CLPSL1: variants seen among roughly 807,000 people sequenced by gnomAD.
CLPSL1 encodes the protein colipase-like protein 1.
Under a neutral mutation model 9.3 loss-of-function variants are expected in CLPSL1, and 13 were observed. The observed-to-expected ratio is 1.40, with a 90% CI of 0.91 to 2.22. The LOEUF (loss-of-function observed/expected upper bound fraction) is 2.22. Among genes scored for constraint, CLPSL1 ranks in the 30% most tolerant of loss-of-function variants. The pLI is 0.00. For synonymous variants in CLPSL1, 58 were observed against 56.9 expected (o/e 1.02, Z -0.08); for missense variants, 164 against 146.6 (o/e 1.12, Z -0.61).
Position 35,788,078 on chromosome 6 carries a change from AC to A in CLPSL1, c.*71del. 1 of 1,185,694 alleles carries A rather than the reference AC, an allele frequency of 8.4e-7. No homozygotes were observed. The highest frequency in any genetic ancestry group is 1.2e-6 in the Non-Finnish European group (1 of 824,796). 73.4% of individuals were successfully genotyped at this position (1,185,694 alleles called of 1,614,324 possible). A position where few individuals can be genotyped will look rare whatever the true frequency, so the allele number is the denominator to read the frequency against. On this transcript the variant is annotated 3_prime_UTR_variant, in exon 3 of 3. Coordinates refer to ENST00000373861, the MANE Select transcript of CLPSL1 (RefSeq NM_001010886.5). ...CCTCCCTACCCAGAGCTCTGTGTTC[AC>A]CCTGTTCCCCAGAGCCTCCACCATG...
chr6:35,781,022 T>C lies in CLPSL1; in HGVS notation c.-89T>C, dbSNP rs1767955611. ...GACGGGGTTGGGTGCTGGTTTTACATGGTGTTCCCACAGCTGGGAGGACAC... is the reference window on the plus strand; with the variant it reads ...GACGGGGTTGGGTGCTGGTTTTACACGGTGTTCCCACAGCTGGGAGGACAC... On this transcript the variant is annotated 5_prime_UTR_variant, in exon 1 of 3. The change abolishes an upstream ATG in the 5' untranslated region. Transcript: ENST00000373861. 1.9e-6 allele frequency: 3 copies of C among 1,559,620 alleles called. No individual in the cohort carries two copies. The highest frequency in any genetic ancestry group is 1.8e-5 in the Admixed American group (1 of 54,216).
At chr6:35,783,507 CT>C (rs1488775246) in intron 1 of CLPSL1, among the ~76,000 whole-genome samples, 73 of 149,264 alleles carry the variant, frequency 4.9e-4, no homozygotes, top group African/African-American at 1.5e-3. Flanking sequence ...GAGACTTTGT[CT>C]CAAAAAAAAA....
At chr6:35,793,584 A>G in exon 2 of CLPSL1, 2 of 471,112 alleles carry the variant, frequency 4.2e-6, no homozygotes, top group Non-Finnish European at 8.8e-6. Flanking sequence ...GAGAAGGTCA[A>G]GAGCTACCAG....
chr6:35,781,179 C>T lies in CLPSL1; in HGVS notation c.69C>T (p.Gly23=), dbSNP rs374576148. Residue 23 remains glycine, a synonymous_variant, in exon 1 of 3, where the codon GGC becomes GGT. Transcript: ENST00000373861. The part of the protein sequence containing the change: ...LFFFLFLLTR[G]SLSPTKYNLL... ...TCTTTCTCTTCCTCCTCACCAGGGG[C>T]TCACTTTCTCCAACAAAATACAACC... 3.7e-6 allele frequency: 6 copies of T among 1,613,880 alleles called. No homozygotes were observed. In the African/African-American group the frequency reaches 5.3e-5, roughly 14 times the overall value.
At chr6:35,786,938 G>T in intron 1 of CLPSL1, 60 bp from the exon 2 acceptor site, 1 of 1,537,416 alleles carries the variant, frequency 6.5e-7, no homozygotes, top group Non-Finnish European at 8.7e-7. Context: ...AGCCCCAGGC[G>T]GGGCGGCGAG....
Position 35,781,097 on chromosome 6 carries a change from A to G in CLPSL1, c.-14A>G, listed in dbSNP as rs762256209. ...TTCGCTGGACCCTAGAAAAGCCACC[A>G]CGACCTGTGGGCCATGATGCTACCC... On this transcript the variant is annotated 5_prime_UTR_variant, in exon 1 of 3. Transcript: ENST00000373861. The G allele has an allele frequency of 1.2e-5, 20 of 1,613,396 alleles. No homozygotes were observed. The highest frequency in any genetic ancestry group is 1.7e-4 in the Middle Eastern group (1 of 5,992).
chr6:35,785,620 C>T (rs976163906), intron 1 of CLPSL1, among the ~76,000 whole-genome samples: 1 of 152,148 alleles, frequency 6.6e-6, no homozygotes, highest in Non-Finnish European at 1.5e-5. Context: ...ATGTTAACAG[C>T]TGTGGACCAT....
At chr6:35,785,330 A>G (rs1768047938) in intron 1 of CLPSL1, among the ~76,000 whole-genome samples, 2 of 151,884 alleles carry the variant, frequency 1.3e-5, no homozygotes, top group South Asian at 2.1e-4. Context: ...GGCACCCGCC[A>G]CCACGCCCAG....
At chr6:35,786,525 T>A (rs539066661) in intron 1 of CLPSL1, among the ~76,000 whole-genome samples, 27 of 152,270 alleles carry the variant, frequency 1.8e-4, no homozygotes, top group African/African-American at 6.5e-4. Flanking sequence ...CTATTGAAAT[T>A]GTCAGAGATG....
In CLPSL1 at chr6:35,787,263, A is replaced by G; in HGVS notation, c.222+143A>G. The G allele has an allele frequency of 3.8e-6, 4 of 1,061,940 alleles. No individual in the cohort carries two copies. In the South Asian group the frequency reaches 6.1e-5, roughly 16 times the overall value. 65.8% of individuals were successfully genotyped at this position (1,061,940 alleles called of 1,614,324 possible). ...AATTCCCCCGTGGGACTGCACCTCC[A>G]AGCCTTCTGGGGGAGCCTGTGGACG... On this transcript the variant is annotated intron_variant, in intron 2 of 2. Coordinates refer to ENST00000373861, the MANE Select transcript of CLPSL1 (RefSeq NM_001010886.5).
At chr6:35,784,519 G>A (rs1333203260) in intron 1 of CLPSL1, among the ~76,000 whole-genome samples, 1 of 152,172 alleles carries the variant, frequency 6.6e-6, no homozygotes, top group African/African-American at 2.4e-5. Flanking sequence ...CTGTGGATTG[G>A]TGGTGGTGGG....
At chr6:35,788,608 T>C (rs1768135571), downstream of CLPSL1, among the ~76,000 whole-genome samples, 1 of 152,266 alleles carries the variant, frequency 6.6e-6, no homozygotes. Flanking sequence ...GGAAACGGGT[T>C]GAGCAACTTG....
chr6:35,784,501 T>C (rs1768030446), intron 1 of CLPSL1, among the ~76,000 whole-genome samples: 1 of 152,204 alleles, frequency 6.6e-6, no homozygotes, highest in South Asian at 2.1e-4. Context: ...AGGAGTCGAC[T>C]GAGATGGCTG....
At chr6:35,785,741 TC>T (rs1768057237) in intron 1 of CLPSL1, among the ~76,000 whole-genome samples, 1 of 151,950 alleles carries the variant, frequency 6.6e-6, no homozygotes, top group Admixed American at 6.6e-5. Context: ...GGGAGAGCCC[TC>T]TCCTACCCCA....
intron 1 of CLPSL1, among the ~76,000 whole-genome samples, chr6:35,783,234 G>A (rs542423447): frequency 4.6e-5 from 7 of 152,342 alleles, no homozygotes; most frequent in African/African-American, 7.2e-5. Context: ...ATTTGGGCCA[G>A]GCGCAGTGGC....
intron 1 of CLPSL1, among the ~76,000 whole-genome samples, chr6:35,784,604 A>C (rs540163707): frequency 4.0e-4 from 61 of 152,190 alleles, no homozygotes; most frequent in Non-Finnish European, 7.3e-4. Context: ...AAATTCAACA[A>C]AATTTAAAAT....
intron 1 of CLPSL1, 29 bp from the exon 2 acceptor site, chr6:35,786,969 G>T: frequency 6.4e-7 from 1 of 1,557,664 alleles, no homozygotes; most frequent in Non-Finnish European, 8.7e-7. Flanking sequence ...GGGCGGTGGA[G>T]CCTGGCGGTG....
downstream of CLPSL1, among the ~76,000 whole-genome samples, chr6:35,792,630 C>CT (rs1429196207): frequency 2.6e-5 from 4 of 152,278 alleles, no homozygotes; most frequent in Admixed American, 2.6e-4. Flanking sequence ...AAAATGGAAG[C>CT]TACATAATGG....
chr6:35,791,620 A>AG (rs1768212134), downstream of CLPSL1, among the ~76,000 whole-genome samples: 1 of 150,538 alleles, frequency 6.6e-6, no homozygotes, highest in East Asian at 1.9e-4. Flanking sequence ...AAAAAAAAAA[A>AG]AGAAAAAGAA....
Sources: allele counts gnomAD v4.1 joint callset (sites outside exome capture counted in the v4.1 genomes callset), GRCh38; gene constraint gnomAD v4.1.1; transcripts MANE v1.5; gene names NCBI Gene and HGNC (gene_info 2026-07-23, HGNC 2026-07-21).